NPM2: variants seen among roughly 807,000 people sequenced by gnomAD.
NPM2 encodes nucleophosmin/nucleoplasmin 2.
Under a neutral mutation model 32.0 loss-of-function variants are expected in NPM2, and 25 were observed. That is an observed-to-expected ratio of 0.78 (90% CI 0.57 to 1.09). The LOEUF is 1.09. Among genes scored for constraint, NPM2 ranks in the 50% least tolerant of loss-of-function variants. NPM2 has a pLI of 0.00. For missense variants in NPM2, 282 were observed against 259.9 expected, an observed-to-expected ratio of 1.08 and a Z score of -0.58; for synonymous variants, 111 against 94.2, an observed-to-expected ratio of 1.18 and a Z score of -1.04.
At chr8:22,027,617 T>C (rs538773303) in intron 5 of NPM2, among the ~76,000 whole-genome samples, 124 of 151,934 alleles carry the variant, frequency 8.2e-4, no homozygotes, top group African/African-American at 2.9e-3. Context: ...TTTTTTTTTT[T>C]TCCCCTGAGA....
At chr8:22,030,778 CAA>C (rs1800411474) in intron 5 of NPM2, among the ~76,000 whole-genome samples, 1 of 152,090 alleles carries the variant, frequency 6.6e-6, no homozygotes, top group Non-Finnish European at 1.5e-5. Context: ...CTCCTGAGTT[CAA>C]GCGATCTTCC....
In NPM2 at chr8:22,025,586, T is replaced by A. The variant is rs1056509565; in HGVS notation, c.145-61T>A. The A allele has an allele frequency of 1.3e-4, 209 of 1,613,822 alleles. 2 individuals carry two copies. The highest frequency in any genetic ancestry group is 1.2e-3 in the South Asian group (108 of 91,046). ...GAACTTTCTGGTCCCAACGGAGGGC[T>A]ATGGATTTCTCCCGTCGGCCCTCAG... On this transcript the variant is annotated intron_variant, in intron 4 of 9. Coordinates refer to ENST00000518119, the MANE Select transcript of NPM2 (RefSeq NM_001286680.2).
intron 5 of NPM2, among the ~76,000 whole-genome samples, chr8:22,026,246 C>G (rs1800249684): frequency 6.6e-6 from 1 of 152,086 alleles, no homozygotes; most frequent in Non-Finnish European, 1.5e-5. Flanking sequence ...AAACCACCCC[C>G]CACTCCCACC....
In NPM2 at chr8:22,036,802, G is replaced by A; in HGVS notation, c.*120G>A. The A allele has an allele frequency of 3.0e-6, 3 of 1,014,802 alleles. No individual in the cohort carries two copies. Among genetic ancestry groups the A allele is most frequent in the Non-Finnish European group, 4.2e-6 (3 of 716,554 alleles). The allele number at this position is 1,014,802 out of a possible 1,614,324, so 62.9% of individuals were successfully genotyped here. A position where few individuals can be genotyped will look rare whatever the true frequency, so the allele number is the denominator to read the frequency against. On this transcript the variant is annotated 3_prime_UTR_variant, in exon 10 of 10. Coordinates refer to ENST00000518119, the MANE Select transcript of NPM2 (RefSeq NM_001286680.2). ...TGAATGCAACAGGGGTGTTGCGGGGGCAACATGAGAGCCCCTCACCCCCAA... is the reference window on the plus strand; with the variant it reads ...TGAATGCAACAGGGGTGTTGCGGGGACAACATGAGAGCCCCTCACCCCCAA...
At chr8:22,029,775 G>C (rs1394441391) in intron 5 of NPM2, among the ~76,000 whole-genome samples, 3 of 152,160 alleles carry the variant, frequency 2.0e-5, no homozygotes, top group African/African-American at 7.2e-5. Flanking sequence ...GTTTCCTTCA[G>C]CTTTGAAGCT....
chr8:22,036,722 C>T lies in NPM2; in HGVS notation c.*40C>T. The T allele has an allele frequency of 1.3e-6, 2 of 1,526,586 alleles. No individual in the cohort carries two copies. Among genetic ancestry groups the T allele is most frequent in the Non-Finnish European group, 1.8e-6 (2 of 1,138,586 alleles). 94.6% of individuals were successfully genotyped at this position (1,526,586 alleles called of 1,614,324 possible). A position where few individuals can be genotyped will look rare whatever the true frequency, so the allele number is the denominator to read the frequency against. On this transcript the variant is annotated 3_prime_UTR_variant, in exon 10 of 10. Transcript: ENST00000518119. ...GGGGGCACGGTGCAAAGTGGGCCTTCCCTGGGCTGTGCTGCAGGCACAGGG... is the reference window on the plus strand; with the variant it reads ...GGGGGCACGGTGCAAAGTGGGCCTTTCCTGGGCTGTGCTGCAGGCACAGGG...
Position 22,025,420 on chromosome 8 carries a change from C to T in NPM2, c.59-16C>T, listed in dbSNP as rs765873520. The T allele has an allele frequency of 2.5e-6, 4 of 1,612,790 alleles. No individual in the cohort carries two copies. Among genetic ancestry groups the T allele is most frequent in the East Asian group, 4.5e-5 (2 of 44,874 alleles). ...ACGAATGGAGGGCCCCACTTCCCTC[C>T]CTTTCTCCTCCGCAGGCTGCGAGCT... On this transcript the variant is annotated splice_polypyrimidine_tract_variant and intron_variant, in intron 3 of 9. Transcript: ENST00000518119.
chr8:22,034,625 T>A, intron 8 of NPM2, 81 bp downstream of exon 8: 1 of 1,203,280 alleles, frequency 8.3e-7, no homozygotes, highest in Admixed American at 1.9e-5. Context: ...GCTGTTGGGA[T>A]GTACGTGTAC....
Position 22,025,205 on chromosome 8 carries a change from C to T in NPM2, c.-33-11C>T, listed in dbSNP as rs1380594855. The T allele has an allele frequency of 6.3e-7, 1 of 1,598,832 alleles. No individual in the cohort carries two copies. The highest frequency in any genetic ancestry group is 1.1e-5 in the South Asian group (1 of 88,786). On this transcript the variant is annotated splice_polypyrimidine_tract_variant and intron_variant, in intron 2 of 9. Coordinates refer to ENST00000518119, the MANE Select transcript of NPM2 (RefSeq NM_001286680.2). ...AGGGAGCAAGGCCTCACGCGGGCGC[C>T]CTCCTTGCAGCTGCCCGGCCAGCCC...
rs1364798272 is a variant in NPM2, at chr8:22,036,537, C to T, written c.600+11C>T. On this transcript the variant is annotated intron_variant, in intron 9 of 9. Transcript: ENST00000518119. ...AGCCCTGTGAAAAAGGTGAGTAGGA[C>T]CAGAGGGCTTTGGCCCTTGGGACAG... 1 of 1,596,462 alleles carries T rather than the reference C, an allele frequency of 6.3e-7. No individual in the cohort carries two copies. The highest frequency in any genetic ancestry group is 1.1e-5 in the South Asian group (1 of 87,720).
In NPM2 at chr8:22,031,670, T is replaced by C. The variant is rs778935283; in HGVS notation, c.271-1460T>C. On this transcript the variant is annotated intron_variant, in intron 5 of 9. Transcript: ENST00000518119. ...CATGTTGCCCAGGCTGGTCTCAAAC[T>C]CCTGACCTCAAGTTATCCGCCTGCC... Among the ~76,000 whole-genome samples, 17 of 152,298 alleles carry C rather than the reference T, an allele frequency of 1.1e-4. 1 individual carries two copies. The highest frequency in any genetic ancestry group is 3.9e-4 in the Admixed American group (6 of 15,290).
Position 22,034,414 on chromosome 8 carries a change from G to T in NPM2, c.532-96G>T, listed in dbSNP as rs1008364628. The T allele has an allele frequency of 3.1e-5, 43 of 1,391,992 alleles. No individual in the cohort carries two copies. The African/African-American group carries it at 5.9e-4, about 19-fold the overall frequency. The allele number at this position is 1,391,992 out of a possible 1,614,324, so 86.2% of individuals were successfully genotyped here. A position where few individuals can be genotyped will look rare whatever the true frequency, so the allele number is the denominator to read the frequency against. ...GCCAAGGCCACCTCAGCTAGTTCTG[G>T]CCAGGAGCTCAGCGGGGACCTTGTG... On this transcript the variant is annotated intron_variant, in intron 7 of 9. Coordinates refer to ENST00000518119, the MANE Select transcript of NPM2 (RefSeq NM_001286680.2).
chr8:22,030,168 C>T (rs1261997104), intron 5 of NPM2, among the ~76,000 whole-genome samples: 2 of 152,176 alleles, frequency 1.3e-5, no homozygotes, highest in African/African-American at 4.8e-5. Flanking sequence ...GTAATTCCTT[C>T]ACAGCATTAT....
At chr8:22,025,343 C>T in intron 3 of NPM2, 37 bp downstream of exon 3, 2 of 1,601,014 alleles carry the variant, frequency 1.2e-6, no homozygotes, top group Non-Finnish European at 1.7e-6. Flanking sequence ...AGAGACACGC[C>T]CCACCTCCGG....
At chr8:22,025,140 C>A in intron 2 of NPM2, 76 bp from the exon 3 acceptor site, 2 of 1,273,378 alleles carry the variant, frequency 1.6e-6, no homozygotes, top group Non-Finnish European at 2.2e-6. Flanking sequence ...CCTGCCGATG[C>A]CTGCTGGTCT....
Position 22,036,797 on chromosome 8 carries a change from CGGGGGCAACATGAGAG to C in NPM2, c.*116_*131del. On this transcript the variant is annotated 3_prime_UTR_variant, in exon 10 of 10. Transcript: ENST00000518119. ...GTGTCTGAATGCAACAGGGGTGTTG[CGGGGGCAACATGAGAG>C]CCCCTCACCCCCAACTCTCCACTTT... 1.9e-6 allele frequency: 2 copies of C among 1,080,808 alleles called. No individual in the cohort carries two copies. The highest frequency in any genetic ancestry group is 2.6e-6 in the Non-Finnish European group (2 of 774,898). The allele number at this position is 1,080,808 out of a possible 1,614,324, so 67.0% of individuals were successfully genotyped here.
intron 5 of NPM2, among the ~76,000 whole-genome samples, chr8:22,027,578 T>A (rs1800296412): frequency 6.6e-6 from 1 of 152,048 alleles, no homozygotes; most frequent in Admixed American, 6.6e-5. Context: ...AAACAGCTGT[T>A]TTTCCAGTTA....
At chr8:22,032,346 G>A (rs1298963765) in intron 5 of NPM2, among the ~76,000 whole-genome samples, 1 of 152,144 alleles carries the variant, frequency 6.6e-6, no homozygotes, top group African/African-American at 2.4e-5. Context: ...AAGTAGTACT[G>A]TAGAGGCTCT....
Position 22,036,467 on chromosome 8 carries a change from T to C in NPM2, c.567-26T>C, listed in dbSNP as rs765115876. On this transcript the variant is annotated intron_variant, in intron 8 of 9. Transcript: ENST00000518119. ...GCTCTCTCCCTGACCCCAATCCCACTCCTGCTCCGCTCCACCCTGTTGCAG... is the reference window on the plus strand; with the variant it reads ...GCTCTCTCCCTGACCCCAATCCCACCCCTGCTCCGCTCCACCCTGTTGCAG... 26 of 1,598,346 alleles carry C rather than the reference T, an allele frequency of 1.6e-5. No homozygotes were observed. The South Asian group carries it at 2.8e-4, about 17-fold the overall frequency.
Sources: allele counts gnomAD v4.1 joint callset (sites outside exome capture counted in the v4.1 genomes callset), GRCh38; gene constraint gnomAD v4.1.1; transcripts MANE v1.5; gene names NCBI Gene and HGNC (gene_info 2026-07-23, HGNC 2026-07-21).